The following QKI variants were observed in gnomAD, a reference collection of about 807,000 sequenced individuals.
The protein encoded by QKI is KH domain-containing RNA-binding protein QKI.
QKI carries 10 observed loss-of-function variants against 39.0 expected under a neutral mutation model. The observed-to-expected ratio is 0.26, with a 90% CI of 0.16 to 0.43. The LOEUF is 0.43. Ranked by LOEUF, QKI falls within the 20% of genes least tolerant of loss-of-function variation. QKI has a pLI of 1.00. For missense variants in QKI, 218 were observed against 428.0 expected, an observed-to-expected ratio of 0.51 and a Z score of 4.33; for synonymous variants, 204 against 155.4, an observed-to-expected ratio of 1.31 and a Z score of -2.33.
chr6:163,567,420 C>A, intron 7 of QKI: 2 of 985,498 alleles, frequency 2.0e-6, no homozygotes, highest in Non-Finnish European at 2.4e-6. Flanking sequence ...CATTCTCTTG[C>A]CAAAATGGAT....
intron 1 of QKI, among the ~76,000 whole-genome samples, chr6:163,438,360 A>G (rs966160723): frequency 2.6e-5 from 4 of 152,188 alleles, no homozygotes; most frequent in African/African-American, 9.7e-5. Flanking sequence ...AAAGAGAAAG[A>G]TATATATACA....
Position 163,575,866 on chromosome 6 carries a change from G to A in QKI, c.*5156G>A, listed in dbSNP as rs1583246209. 1.3e-5 allele frequency: 2 copies of A among 152,226 alleles called. No individual in the cohort carries two copies. Among genetic ancestry groups the A allele is most frequent in the East Asian group, 3.9e-4 (2 of 5,170 alleles). The allele number at this position is 152,226 out of a possible 1,614,324, so 9.4% of individuals were successfully genotyped here. ...ACAGCCTAAGGTTTCTTTAGTTTTA[G>A]GATGGGGTGGGGTGGGAGTGGTTTT... On this transcript the variant is annotated 3_prime_UTR_variant, in exon 8 of 8. Coordinates refer to ENST00000361752, the MANE Select transcript of QKI (RefSeq NM_006775.3).
At chr6:163,533,630 G>C (rs1250792750) in intron 3 of QKI, among the ~76,000 whole-genome samples, 1 of 152,170 alleles carries the variant, frequency 6.6e-6, no homozygotes, top group Non-Finnish European at 1.5e-5. Context: ...TCATCAAAAA[G>C]AATGTAATGT....
At chr6:163,468,229 A>C (rs1356285605) in intron 2 of QKI, among the ~76,000 whole-genome samples, 1 of 152,186 alleles carries the variant, frequency 6.6e-6, no homozygotes, top group African/African-American at 2.4e-5. Flanking sequence ...CATCTAACTA[A>C]AATCACCCTA....
At chr6:163,484,366 A>T (rs1793312288) in intron 3 of QKI, among the ~76,000 whole-genome samples, 1 of 151,856 alleles carries the variant, frequency 6.6e-6, no homozygotes, top group African/African-American at 2.4e-5. Flanking sequence ...CACCCAGCTA[A>T]TTTTTTGTAT....
At chr6:163,474,349 T>C (rs1010589854) in intron 2 of QKI, among the ~76,000 whole-genome samples, 1 of 151,996 alleles carries the variant, frequency 6.6e-6, no homozygotes, top group Non-Finnish European at 1.5e-5. Context: ...GAAATAAAAA[T>C]ATATGATAGG....
chr6:163,499,416 C>A (rs1026632583), intron 3 of QKI, among the ~76,000 whole-genome samples: 1 of 152,070 alleles, frequency 6.6e-6, no homozygotes, highest in Non-Finnish European at 1.5e-5. Flanking sequence ...TTGAGGAATT[C>A]TCCTTTGATG....
chr6:163,573,300 G>C lies in QKI; in HGVS notation c.*2590G>C, dbSNP rs1158621698. 6.6e-6 allele frequency: 1 copy of C among 151,806 alleles called. No individual in the cohort carries two copies. Among genetic ancestry groups the C allele is most frequent in the Non-Finnish European group, 1.5e-5 (1 of 67,930 alleles). The allele number at this position is 151,806 out of a possible 1,614,324, so 9.4% of individuals were successfully genotyped here. A position where few individuals can be genotyped will look rare whatever the true frequency, so the allele number is the denominator to read the frequency against. On this transcript the variant is annotated 3_prime_UTR_variant, in exon 8 of 8. Transcript: ENST00000361752. Reference sequence around the variant, plus strand: ...ATGTAGTTTTTAAGACTTTTTTTCTGACAGTATTATGTAATTTTTTAGCGT... The same window carrying C: ...ATGTAGTTTTTAAGACTTTTTTTCTCACAGTATTATGTAATTTTTTAGCGT...
At chr6:163,419,593 C>G (rs187945004) in intron 1 of QKI, among the ~76,000 whole-genome samples, 5 of 152,014 alleles carry the variant, frequency 3.3e-5, no homozygotes, top group African/African-American at 1.2e-4. Flanking sequence ...CTTTTCTCAC[C>G]CAGGAGGTGT....
chr6:163,565,292 G>A, intron 6 of QKI: 1 of 986,500 alleles, frequency 1.0e-6, no homozygotes, highest in Non-Finnish European at 1.2e-6. Context: ...CCTCTCTGCT[G>A]CACCCACAGC....
intron 1 of QKI, among the ~76,000 whole-genome samples, chr6:163,424,352 C>T (rs1451507000): frequency 6.6e-6 from 1 of 152,158 alleles, no homozygotes; most frequent in Non-Finnish European, 1.5e-5. Flanking sequence ...ATGCGTGAGC[C>T]AGCATAAAGA....
intron 3 of QKI, among the ~76,000 whole-genome samples, chr6:163,499,848 A>G (rs1340277632): frequency 6.6e-6 from 1 of 152,210 alleles, no homozygotes; most frequent in Non-Finnish European, 1.5e-5. Flanking sequence ...AGGAAGATAG[A>G]AGCTAAACAA....
chr6:163,511,131 T>C, intron 3 of QKI, among the ~76,000 whole-genome samples: 1 of 152,164 alleles, frequency 6.6e-6, no homozygotes, highest in Admixed American at 6.6e-5. Flanking sequence ...ACACACTTTT[T>C]TGTAATCAGT....
intron 3 of QKI, among the ~76,000 whole-genome samples, chr6:163,489,550 G>A (rs1777926100): frequency 6.6e-6 from 1 of 151,352 alleles, no homozygotes; most frequent in Non-Finnish European, 1.5e-5. Flanking sequence ...TCTGACTGAA[G>A]CAGTTTATAA....
chr6:163,553,405 G>T lies in QKI; in HGVS notation c.547-8577G>T, dbSNP rs368116198. Among the ~76,000 whole-genome samples, 46 of 151,926 alleles carry T rather than the reference G, an allele frequency of 3.0e-4. No homozygotes were observed. The East Asian group carries it at 6.2e-3, about 20-fold the overall frequency. On this transcript the variant is annotated intron_variant, in intron 4 of 7. Transcript: ENST00000361752. ...GCATGAGCCACCATGCCCAGCTCAG[G>T]TTCCTATTTTTTATCTTCTTTTGTA...
intron 3 of QKI, among the ~76,000 whole-genome samples, chr6:163,531,008 T>C (rs1294765175): frequency 6.6e-6 from 1 of 151,992 alleles, no homozygotes; most frequent in African/African-American, 2.4e-5. Flanking sequence ...TCTAATATTA[T>C]ACAGTTCTGC....
chr6:163,557,957 G>T (rs77841400), intron 4 of QKI, among the ~76,000 whole-genome samples: 1 of 152,172 alleles, frequency 6.6e-6, no homozygotes, highest in African/African-American at 2.4e-5. Context: ...CTATGAGATT[G>T]CGGATAATCA....
chr6:163,521,865 T>C (rs1780183739), intron 3 of QKI, among the ~76,000 whole-genome samples: 1 of 152,122 alleles, frequency 6.6e-6, no homozygotes, highest in South Asian at 2.1e-4. Flanking sequence ...TGCTAATTTA[T>C]TTTTTACTCT....
In QKI at chr6:163,572,440, A is replaced by C. The variant is rs899026669; in HGVS notation, c.*1730A>C. The C allele has an allele frequency of 1.3e-5, 2 of 152,192 alleles. No individual in the cohort carries two copies. Among genetic ancestry groups the C allele is most frequent in the Non-Finnish European group, 2.9e-5 (2 of 68,040 alleles). The allele number at this position is 152,192 out of a possible 1,614,324, so 9.4% of individuals were successfully genotyped here. A position where few individuals can be genotyped will look rare whatever the true frequency, so the allele number is the denominator to read the frequency against. ...GTGTAGTGTATCCTTTTACTGTTTC[A>C]ATAACCTCTGCCTCCCCCACCCCTT... is the stretch of plus-strand genomic sequence containing the variant. On this transcript the variant is annotated 3_prime_UTR_variant, in exon 8 of 8. Coordinates refer to ENST00000361752, the MANE Select transcript of QKI (RefSeq NM_006775.3).
Sources: allele counts gnomAD v4.1 joint callset (sites outside exome capture counted in the v4.1 genomes callset), GRCh38; gene constraint gnomAD v4.1.1; transcripts MANE v1.5; gene names NCBI Gene and HGNC (gene_info 2026-07-23, HGNC 2026-07-21).